Variants in NLGN1 observed in about 807,000 individuals in gnomAD.
The protein encoded by NLGN1 is neuroligin-1.
NLGN1 carries 12 observed loss-of-function variants against 65.5 expected under a neutral mutation model. That is an observed-to-expected ratio of 0.18 (90% CI 0.12 to 0.30). The LOEUF (loss-of-function observed/expected upper bound fraction) is 0.30, where lower values mean the gene tolerates loss of function less well. Ranked by LOEUF, NLGN1 falls within the 10% of genes least tolerant of loss-of-function variation. The pLI, the probability that NLGN1 is intolerant of heterozygous loss-of-function variation, is 1.00. For synonymous variants in NLGN1, 350 were observed against 359.5 expected, an observed-to-expected ratio of 0.97 and a Z score of 0.30; for missense variants, 750 against 1,007.1, an observed-to-expected ratio of 0.74 and a Z score of 3.46.
intron 3 of NLGN1, among the ~76,000 whole-genome samples, chr3:173,694,962 T>C (rs1294537387): frequency 6.6e-6 from 1 of 152,210 alleles, no homozygotes; most frequent in Non-Finnish European, 1.5e-5. Context: ...ATTTCATTAA[T>C]AAATTCTGCA....
intron 2 of NLGN1, among the ~76,000 whole-genome samples, chr3:173,568,388 C>G (rs777787544): frequency 4.6e-5 from 7 of 152,110 alleles, no homozygotes; most frequent in East Asian, 3.9e-4. Context: ...TGCCCCCCAC[C>G]AGGCCTGGCT....
chr3:173,950,369 G>A (rs1172218156), intron 4 of NLGN1, among the ~76,000 whole-genome samples: 1 of 152,172 alleles, frequency 6.6e-6, no homozygotes, highest in Non-Finnish European at 1.5e-5. Context: ...TTATGTGTAT[G>A]CTGGAACTTT....
At chr3:173,519,689 T>C (rs562110217) in intron 2 of NLGN1, among the ~76,000 whole-genome samples, 1 of 152,202 alleles carries the variant, frequency 6.6e-6, no homozygotes, top group Non-Finnish European at 1.5e-5. Flanking sequence ...ATATCCCCAT[T>C]GTATATTGGA....
chr3:173,611,376 A>G (rs1752266243), intron 3 of NLGN1, among the ~76,000 whole-genome samples: 1 of 152,032 alleles, frequency 6.6e-6, no homozygotes. Flanking sequence ...TGAAAGAGTT[A>G]TTTTAGAATG....
chr3:174,062,159 A>G (rs1356430290), intron 4 of NLGN1, among the ~76,000 whole-genome samples: 2 of 152,110 alleles, frequency 1.3e-5, no homozygotes, highest in Admixed American at 6.6e-5. Flanking sequence ...ATTCAAATCC[A>G]CTGATCTTAA....
intron 2 of NLGN1, among the ~76,000 whole-genome samples, chr3:173,451,150 T>G (rs1330289245): frequency 6.6e-6 from 1 of 152,184 alleles, no homozygotes; most frequent in Non-Finnish European, 1.5e-5. Flanking sequence ...GATTTTTAGT[T>G]TCCAGTTTTT....
chr3:173,845,186 A>G (rs1725489151), intron 4 of NLGN1, among the ~76,000 whole-genome samples: 1 of 152,246 alleles, frequency 6.6e-6, no homozygotes, highest in Non-Finnish European at 1.5e-5. Context: ...TAGCAAGCTC[A>G]TAAAGCTAAT....
chr3:173,644,555 G>T, intron 3 of NLGN1: 1 of 165,580 alleles, frequency 6.0e-6, no homozygotes, highest in South Asian at 1.8e-4. Context: ...GTTCCATTTT[G>T]ACTTCATGGG....
Position 174,068,638 on chromosome 3 carries a change from T to C in NLGN1, c.647-206677T>C, listed in dbSNP as rs552653009. 1.8e-3 allele frequency among the ~76,000 whole-genome samples: 268 copies of C among 152,264 alleles called. 1 individual carries two copies. The highest frequency in any genetic ancestry group is 6.0e-3 in the African/African-American group (250 of 41,578). ...AAATATTTGCCTTAGACTGACTATT[T>C]GCAGGCTTTCAAAATTTGTTTTAAA... On this transcript the variant is annotated intron_variant, in intron 4 of 6. Coordinates refer to ENST00000457714, the Ensembl canonical transcript of NLGN1.
At chr3:173,791,070 T>G (rs1205335711) in intron 3 of NLGN1, among the ~76,000 whole-genome samples, 1 of 152,220 alleles carries the variant, frequency 6.6e-6, no homozygotes, top group African/African-American at 2.4e-5. Context: ...AACAAACATA[T>G]AAGTTGTCTA....
intron 4 of NLGN1, among the ~76,000 whole-genome samples, chr3:173,847,992 C>T (rs554029240): frequency 3.9e-5 from 6 of 152,264 alleles, no homozygotes; most frequent in East Asian, 1.9e-4. Context: ...CAAATATATT[C>T]GTTTTCCCTC....
intron 2 of NLGN1, among the ~76,000 whole-genome samples, chr3:173,448,860 A>T (rs1362117394): frequency 6.6e-6 from 1 of 152,142 alleles, no homozygotes; most frequent in Non-Finnish European, 1.5e-5. Context: ...ATAGGTGTTT[A>T]TAGTATTCTC....
intron 4 of NLGN1, among the ~76,000 whole-genome samples, chr3:174,060,270 G>A (rs958757420): frequency 3.3e-5 from 5 of 152,050 alleles, no homozygotes; most frequent in African/African-American, 9.7e-5. Flanking sequence ...TGAACAGACT[G>A]CTCCATCTCA....
At chr3:173,780,237 C>G (rs1377660087) in intron 3 of NLGN1, among the ~76,000 whole-genome samples, 1 of 152,146 alleles carries the variant, frequency 6.6e-6, no homozygotes, top group East Asian at 1.9e-4. Flanking sequence ...ACTGCTGTCA[C>G]TTGGTTCATA....
At chr3:174,149,656 A>G (rs531978076) in intron 4 of NLGN1, among the ~76,000 whole-genome samples, 1 of 152,278 alleles carries the variant, frequency 6.6e-6, no homozygotes, top group East Asian at 1.9e-4. Context: ...CCATTAAAGA[A>G]ATATTGATAA....
intron 3 of NLGN1, among the ~76,000 whole-genome samples, chr3:173,608,087 T>C (rs1032187826): frequency 1.3e-5 from 2 of 151,916 alleles, no homozygotes; most frequent in Non-Finnish European, 2.9e-5. Context: ...CAAAGTATTT[T>C]CTGTACTTTG....
chr3:173,790,249 A>G (rs989715847), intron 3 of NLGN1, among the ~76,000 whole-genome samples: 4 of 151,996 alleles, frequency 2.6e-5, no homozygotes, highest in Admixed American at 2.6e-4. Context: ...GATTTTAACT[A>G]CCATTCTATT....
intron 2 of NLGN1, among the ~76,000 whole-genome samples, chr3:173,500,187 T>G (rs1484199490): frequency 1.3e-5 from 2 of 152,130 alleles, no homozygotes; most frequent in African/African-American, 4.8e-5. Flanking sequence ...TGGCTGTGGG[T>G]TTGTCATAGA....
intron 2 of NLGN1, among the ~76,000 whole-genome samples, chr3:173,466,776 C>T (rs979402962): frequency 1.3e-5 from 2 of 152,130 alleles, no homozygotes; most frequent in Non-Finnish European, 2.9e-5. Flanking sequence ...ATTAAACTCA[C>T]AGATGGTAGA....
Sources: gnomAD v4.1 joint callset for allele counts (sites outside exome capture counted in the v4.1 genomes callset) on GRCh38, gnomAD v4.1.1 for gene constraint, MANE v1.5 for transcripts, NCBI Gene and HGNC (gene_info 2026-07-23, HGNC 2026-07-21) for gene names.